ZNF608: variants seen among roughly 807,000 people sequenced by gnomAD.
ZNF608 encodes zinc finger protein 608.
Under a neutral mutation model 109.0 loss-of-function variants are expected in ZNF608, and 12 were observed. The ratio of observed to expected loss-of-function variants is 0.11; its 90% confidence interval spans 0.07 to 0.18. The LOEUF (loss-of-function observed/expected upper bound fraction) is 0.18, where lower values mean the gene tolerates loss of function less well. ZNF608 is among the 10% of genes least tolerant of loss of function. The probability of loss-of-function intolerance (pLI) is 1.00; values close to 1 mark genes in which losing one functional copy is unlikely to be tolerated. For missense variants in ZNF608, 1,707 were observed against 1,879.3 expected (o/e 0.91, Z 1.70); for synonymous variants, 732 against 717.4 (o/e 1.02, Z -0.33).
intron 9 of ZNF608, 78 bp from the exon 10 acceptor site, chr5:124,637,984 C>A: frequency 6.5e-7 from 1 of 1,549,280 alleles, no homozygotes; most frequent in South Asian, 1.1e-5. Flanking sequence ...GAGTTTTGCT[C>A]TTGTTGCCCA....
chr5:124,660,685 T>G (rs1751220346), intron 3 of ZNF608, among the ~76,000 whole-genome samples: 1 of 152,206 alleles, frequency 6.6e-6, no homozygotes, highest in Non-Finnish European at 1.5e-5. Context: ...TTTCCTCATC[T>G]ATAAAATGGG....
chr5:124,744,660 T>C lies in ZNF608; in HGVS notation c.330A>G (p.Lys110=), dbSNP rs542851978. 1.3e-5 allele frequency: 21 copies of C among 1,614,170 alleles called. No homozygotes were observed. In the Admixed American group the frequency reaches 3.0e-4, roughly 23 times the overall value. The change falls in exon 2 of 10, where the codon AAA becomes AAG. Residue 110 remains lysine (K), a synonymous_variant. Transcript: ENST00000513986. The surrounding 1 kb of genome is among the most constrained non-coding windows in gnomAD (Gnocchi z 4.5). ...GAGATTTATTAGCATCCTTAGAAGT[T>C]TTACTCCTTTTCACTTTTGATTTGC... ...ETSKSKVKRS[K]TSKDANKSLP... is the part of the protein sequence containing the mutation.
Position 124,636,920 on chromosome 5 carries a change from T to TAA in ZNF608, c.*978_*979dup, listed in dbSNP as rs70991633. On this transcript the variant is annotated 3_prime_UTR_variant, in exon 10 of 10. Coordinates refer to ENST00000513986, the MANE Select transcript of ZNF608 (RefSeq NM_020747.3). ...ATGAGACAGACAAGAAGCCATTATT[T>TAA]AAAAAAAAAAAAACTTTTTAATTCT... 1.0e-3 allele frequency: 147 copies of TAA among 146,126 alleles called. 1 individual carries two copies. Among genetic ancestry groups the TAA allele is most frequent in the South Asian group, 5.8e-3 (27 of 4,650 alleles). The allele number at this position is 146,126 out of a possible 1,614,324, so 9.1% of individuals were successfully genotyped here.
intron 3 of ZNF608, among the ~76,000 whole-genome samples, chr5:124,700,222 C>G (rs1044001271): frequency 7.2e-5 from 11 of 152,140 alleles, no homozygotes; most frequent in Non-Finnish European, 1.6e-4. Flanking sequence ...AGTTAGTTTT[C>G]AATTATTGGT....
At chr5:124,640,794 T>G (rs1015897980) in intron 8 of ZNF608, among the ~76,000 whole-genome samples, 9 of 152,216 alleles carry the variant, frequency 5.9e-5, no homozygotes, top group Admixed American at 1.3e-4. Context: ...AACCCTCGAA[T>G]GAGGTTATAA....
At chr5:124,684,398 G>C (rs937860390) in intron 3 of ZNF608, among the ~76,000 whole-genome samples, 1 of 152,162 alleles carries the variant, frequency 6.6e-6, no homozygotes, top group Non-Finnish European at 1.5e-5. Flanking sequence ...CAGAGGGTAC[G>C]AAAAGGGAGG....
Position 124,648,918 on chromosome 5 carries a change from T to A in ZNF608, c.1466A>T (p.Asp489Val). The A allele has an allele frequency of 6.2e-7, 1 of 1,614,140 alleles. No homozygotes were observed. Among genetic ancestry groups the A allele is most frequent in the Non-Finnish European group, 8.5e-7 (1 of 1,180,014 alleles). Residue 489 changes from aspartate to valine, a missense_variant, in exon 5 of 10, where the codon GAT becomes GTT. This residue lies in a region of ZNF608 where 166 missense variants were observed against 204.2 expected (regional missense o/e 0.81). Coordinates refer to ENST00000513986, the MANE Select transcript of ZNF608 (RefSeq NM_020747.3). ...GGTGGAGGAAGGGCTGGCTTTGATA[T>A]CCTCAGCAGCACAATTTGGGGGTGT... ...RRTPPNCAAE[D>V]IKASPSSTNK...
chr5:124,686,359 G>T (rs951614224), intron 3 of ZNF608, among the ~76,000 whole-genome samples: 1 of 152,136 alleles, frequency 6.6e-6, no homozygotes, highest in Non-Finnish European at 1.5e-5. Context: ...AGATTGTCCT[G>T]GTTCCTGGTC....
At chr5:124,746,149 T>C (rs1401849264) in intron 1 of ZNF608, 46 bp downstream of exon 1, 1 of 985,038 alleles carries the variant, frequency 1.0e-6, no homozygotes, top group African/African-American at 1.7e-5. Context: ...AAAAAATAAA[T>C]AAATATACAT....
chr5:124,677,606 A>T (rs1409975692), intron 3 of ZNF608, among the ~76,000 whole-genome samples: 6 of 152,222 alleles, frequency 3.9e-5, no homozygotes, highest in South Asian at 4.1e-4. Flanking sequence ...GAACAGTGGC[A>T]GGCAGCCAAC....
At chr5:124,684,919 A>C (rs567273666) in intron 3 of ZNF608, among the ~76,000 whole-genome samples, 2 of 152,346 alleles carry the variant, frequency 1.3e-5, no homozygotes, top group South Asian at 4.1e-4. Flanking sequence ...CATTTTTTAA[A>C]TCTGCTAAGT....
intron 8 of ZNF608, 129 bp from the exon 9 acceptor site, chr5:124,639,343 T>C (rs1329472826): frequency 2.7e-6 from 2 of 727,730 alleles, no homozygotes; most frequent in East Asian, 2.7e-5. Flanking sequence ...ATGAACTGTT[T>C]CATGCAGCAA....
intron 2 of ZNF608, among the ~76,000 whole-genome samples, chr5:124,709,465 G>A (rs918216198): frequency 6.6e-6 from 1 of 152,176 alleles, no homozygotes; most frequent in Non-Finnish European, 1.5e-5. Context: ...AATTTCTTTT[G>A]TTATGAAGCC....
At chr5:124,694,644 C>T (rs151110167) in intron 3 of ZNF608, among the ~76,000 whole-genome samples, 56 of 152,188 alleles carry the variant, frequency 3.7e-4, no homozygotes, top group Non-Finnish European at 7.9e-4. Flanking sequence ...CATATGTATA[C>T]ATGTGCCATG....
At chr5:124,692,017 C>T (rs1329766711) in intron 3 of ZNF608, among the ~76,000 whole-genome samples, 1 of 152,016 alleles carries the variant, frequency 6.6e-6, no homozygotes, top group South Asian at 2.1e-4. Context: ...CTTCCCAAAT[C>T]TCCTAAAATG....
intron 3 of ZNF608, among the ~76,000 whole-genome samples, chr5:124,662,343 T>C (rs561456264): frequency 4.0e-4 from 61 of 152,366 alleles, no homozygotes; most frequent in African/African-American, 1.4e-3. Flanking sequence ...GACTGCACTT[T>C]GGCCTCATCT....
intron 5 of ZNF608, among the ~76,000 whole-genome samples, chr5:124,646,478 A>G (rs976448366): frequency 4.6e-5 from 7 of 152,250 alleles, no homozygotes; most frequent in African/African-American, 1.2e-4. Flanking sequence ...ACTATACACC[A>G]TGACAAGAAA....
chr5:124,649,124 C>T lies in ZNF608; in HGVS notation c.1260G>A (p.Glu420=), dbSNP rs372660759. The T allele has an allele frequency of 1.9e-6, 3 of 1,556,518 alleles. No individual in the cohort carries two copies. Among genetic ancestry groups the T allele is most frequent in the Non-Finnish European group, 2.6e-6 (3 of 1,157,352 alleles). Residue 420 remains glutamate, a synonymous_variant, in exon 5 of 10, where the codon GAG becomes GAA. Coordinates refer to ENST00000513986, the MANE Select transcript of ZNF608 (RefSeq NM_020747.3). ...KHDWAPPRFC[E]SPTSDLEMRG... is the part of the protein sequence containing the mutation. ...TCATCTCCAGGTCACTTGTCGGTGA[C>T]TCACAAAACCTATGGAAGCAAGTAA...
chr5:124,685,316 A>T (rs1752364240), intron 3 of ZNF608, among the ~76,000 whole-genome samples: 1 of 152,180 alleles, frequency 6.6e-6, no homozygotes, highest in African/African-American at 2.4e-5. Flanking sequence ...TTCATTAATG[A>T]TCGGAATGAA....
Sources: gnomAD v4.1 joint callset for allele counts (sites outside exome capture counted in the v4.1 genomes callset) on GRCh38, gnomAD v4.1.1 for gene constraint, gnomAD v4.1.1 regional missense constraint, Gnocchi (gnomAD v3.1) non-coding constraint, MANE v1.5 for transcripts, NCBI Gene and HGNC (gene_info 2026-07-23, HGNC 2026-07-21) for gene names.